Variants in CERKL observed in about 807,000 individuals in gnomAD.
CERKL encodes the protein ceramide kinase-like protein.
A neutral mutation model predicts 63.4 loss-of-function variants in CERKL; 61 were observed. The ratio of observed to expected loss-of-function variants is 0.96; its 90% CI spans 0.78 to 1.19. CERKL has a LOEUF of 1.19. Among genes scored for constraint, CERKL ranks in the 50% most tolerant of loss-of-function variants. CERKL has a pLI of 0.00. For missense variants in CERKL, 675 were observed against 655.5 expected (o/e 1.03, Z -0.33); for synonymous variants, 250 against 230.5 (o/e 1.08, Z -0.77).
rs1282627449 is a variant in CERKL, at chr2:181,538,164, C to A, written c.*20G>T. 3 of 1,503,640 alleles carry A rather than the reference C, an allele frequency of 2.0e-6. No homozygotes were observed. The highest frequency in any genetic ancestry group is 1.7e-5 in the Admixed American group (1 of 59,554). The allele number at this position is 1,503,640 out of a possible 1,614,324, so 93.1% of individuals were successfully genotyped here. On this transcript the variant is annotated 3_prime_UTR_variant, in exon 13 of 13. Transcript: ENST00000410087. ...TATTAAAATTCTAGTTTGTACATTTCTTTTAGAAACAATTACATGTTACTT... is the reference window on the plus strand; with the variant it reads ...TATTAAAATTCTAGTTTGTACATTTATTTTAGAAACAATTACATGTTACTT...
chr2:181,552,034 T>C (rs1396374466), intron 5 of CERKL, among the ~76,000 whole-genome samples: 1 of 152,124 alleles, frequency 6.6e-6, no homozygotes, highest in African/African-American at 2.4e-5. Flanking sequence ...CTGGAGGACA[T>C]TATGCTAGGT....
rs527784946 is a variant in CERKL, at chr2:181,598,608, C to T, written c.481+5229G>A. 9.9e-5 allele frequency among the ~76,000 whole-genome samples: 15 copies of T among 152,246 alleles called. No individual in the cohort carries two copies. In the South Asian group the frequency reaches 2.5e-3, roughly 25 times the overall value. The stretch of plus-strand genomic sequence containing the variant: ...TTAAGTGCCATCTACTGGATTGCAG[C>T]CTGAACTGTACTATCAAATAAAAAG... On this transcript the variant is annotated intron_variant, in intron 2 of 12. Coordinates refer to ENST00000410087, the MANE Select transcript of CERKL (RefSeq NM_201548.5).
intron 4 of CERKL, among the ~76,000 whole-genome samples, chr2:181,561,821 ATTTTAT>A: frequency 6.6e-6 from 1 of 151,762 alleles, no homozygotes; most frequent in African/African-American, 2.4e-5. Flanking sequence ...ATTTTATTTT[ATTTTAT>A]TTTTGAGACA....
rs2105832170 is a variant in CERKL, at chr2:181,565,482, G to A, written c.677+576C>T. Reference sequence around the variant, plus strand: ...GTGAACAATCTCTGTACACTCCAATGTATTGCGAACAATGGTTTCCGATGC... The same window carrying A: ...GTGAACAATCTCTGTACACTCCAATATATTGCGAACAATGGTTTCCGATGC... On this transcript the variant is annotated intron_variant, in intron 4 of 12. Transcript: ENST00000410087. 1 of 1,611,676 alleles carries A rather than the reference G, an allele frequency of 6.2e-7. No individual in the cohort carries two copies. Among genetic ancestry groups the A allele is most frequent in the Non-Finnish European group, 8.5e-7 (1 of 1,179,204 alleles).
intron 1 of CERKL, among the ~76,000 whole-genome samples, chr2:181,622,317 A>C (rs900546363): frequency 1.3e-5 from 2 of 152,148 alleles, no homozygotes; most frequent in Non-Finnish European, 2.9e-5. Flanking sequence ...GCTTGCTACC[A>C]ACATGTCCAC....
chr2:181,602,015 C>T (rs1232583320), intron 2 of CERKL, among the ~76,000 whole-genome samples: 1 of 152,148 alleles, frequency 6.6e-6, no homozygotes, highest in Non-Finnish European at 1.5e-5. Context: ...TAGATTTTAA[C>T]CCTAGATCAA....
At chr2:181,559,950 G>A (rs1688367506) in intron 4 of CERKL, among the ~76,000 whole-genome samples, 1 of 152,130 alleles carries the variant, frequency 6.6e-6, no homozygotes, top group Non-Finnish European at 1.5e-5. Flanking sequence ...GATTAGGTGT[G>A]TTTTATTCTT....
intron 1 of CERKL, among the ~76,000 whole-genome samples, chr2:181,636,335 T>C (rs867786706): frequency 6.6e-6 from 1 of 152,088 alleles, no homozygotes; most frequent in Non-Finnish European, 1.5e-5. Flanking sequence ...TTTGACAATA[T>C]CCCTTGCATC....
In CERKL at chr2:181,539,327, G is replaced by T. The variant is rs1156398110; in HGVS notation, c.1366-63C>A. 4.9e-6 allele frequency: 5 copies of T among 1,019,926 alleles called. No homozygotes were observed. The Admixed American group carries it at 6.9e-5, about 14-fold the overall frequency. The allele number at this position is 1,019,926 out of a possible 1,614,324, so 63.2% of individuals were successfully genotyped here. On this transcript the variant is annotated intron_variant, in intron 11 of 12. Transcript: ENST00000410087. ...TCTCTAGCTACTAACGCGAATCAAA[G>T]TTCACTGAGCCCTCTCTCACAAGTA...
chr2:181,611,813 T>C (rs922876751), intron 1 of CERKL, among the ~76,000 whole-genome samples: 2 of 152,230 alleles, frequency 1.3e-5, no homozygotes, highest in Non-Finnish European at 2.9e-5. Flanking sequence ...AGCATGAATA[T>C]GCATATGAAA....
At chr2:181,547,187 G>A (rs904493556) in intron 10 of CERKL, among the ~76,000 whole-genome samples, 4 of 152,120 alleles carry the variant, frequency 2.6e-5, no homozygotes, top group Non-Finnish European at 5.9e-5. Context: ...TCTCGGGTAT[G>A]TCTTTATCAG....
At chr2:181,640,990 C>T (rs1687394704) in intron 1 of CERKL, among the ~76,000 whole-genome samples, 1 of 152,124 alleles carries the variant, frequency 6.6e-6, no homozygotes, top group Admixed American at 6.5e-5. Flanking sequence ...AAAGTGTTTG[C>T]CTTCAGATGC....
intron 2 of CERKL, among the ~76,000 whole-genome samples, chr2:181,594,693 A>AG (rs1211484020): frequency 1.3e-5 from 2 of 152,238 alleles, no homozygotes; most frequent in African/African-American, 4.8e-5. Flanking sequence ...TTTTACACCT[A>AG]ATGTATTTTT....
rs757547517 is a variant in CERKL at position 181,566,101 on chromosome 2, C to T, written c.634G>A (p.Ala212Thr). Reference sequence around the variant, plus strand: ...TCACATTCCTTAAGCAGTGACAGAGCGTGCCCTTCATATTCCATTACTATT... The same window carrying T: ...TCACATTCCTTAAGCAGTGACAGAGTGTGCCCTTCATATTCCATTACTATT... ...DVTIMEYEGH[A>T]LSLLKECELQ... Residue 212 changes from alanine (A) to threonine (T), a missense_variant, in exon 4 of 13, where the codon GCT becomes ACT. Physicochemically the swap from Ala to Thr is moderately conservative, Grantham distance 58. Transcript: ENST00000410087. The T allele has an allele frequency of 1.5e-5, 24 of 1,610,752 alleles. No individual in the cohort carries two copies. The highest frequency in any genetic ancestry group is 1.7e-4 in the Middle Eastern group (1 of 6,056).
chr2:181,588,660 C>A (rs1005286507), intron 2 of CERKL, among the ~76,000 whole-genome samples: 2 of 152,062 alleles, frequency 1.3e-5, no homozygotes, highest in Non-Finnish European at 2.9e-5. Context: ...GTTTGAGGAA[C>A]CTCCATTCTC....
chr2:181,595,824 C>G (rs1685180389), intron 2 of CERKL, among the ~76,000 whole-genome samples: 1 of 152,036 alleles, frequency 6.6e-6, no homozygotes, highest in East Asian at 1.9e-4. Flanking sequence ...TTTTATTTCC[C>G]TTCTTACATG....
intron 2 of CERKL, among the ~76,000 whole-genome samples, chr2:181,603,464 C>A (rs140237256): frequency 1.6e-4 from 25 of 152,226 alleles, no homozygotes; most frequent in African/African-American, 4.8e-4. Flanking sequence ...AGAAAAACTA[C>A]AGAACAATAT....
chr2:181,549,693 A>G lies in CERKL; in HGVS notation c.836T>C (p.Leu279Ser). 2 of 1,611,810 alleles carry G rather than the reference A, an allele frequency of 1.2e-6. No homozygotes were observed. The highest frequency in any genetic ancestry group is 1.1e-5 in the South Asian group (1 of 91,046). The change falls in exon 6 of 13, where the codon TTG (leucine) becomes TCG (serine). Residue 279 changes from leucine (L) to serine (S), a missense_variant. By Grantham distance (145) the Leu-to-Ser change is moderately radical. Transcript: ENST00000410087. ...GLIPAGSTNV[L>S]AHSLHGVPHV... The stretch of plus-strand genomic sequence containing the variant: ...AGGAACTCCATGAAGAGAATGTGCC[A>G]ATACATTGGTAGATCCTGCCAAAGC...
intron 2 of CERKL, among the ~76,000 whole-genome samples, chr2:181,582,516 CATATAT>C (rs59483712): frequency 9.8e-5 from 14 of 142,924 alleles, no homozygotes; most frequent in African/African-American, 1.3e-4. Flanking sequence ...ATATTGTCAA[CATATAT>C]ATATATATAT....
Sources: gnomAD v4.1 joint callset for allele counts (sites outside exome capture counted in the v4.1 genomes callset) on GRCh38, gnomAD v4.1.1 for gene constraint, MANE v1.5 for transcripts, NCBI Gene and HGNC (gene_info 2026-07-23, HGNC 2026-07-21) for gene names.